Variants in RASSF3 observed in about 807,000 individuals in gnomAD.
The protein encoded by RASSF3 is ras association domain-containing protein 3.
Under a neutral mutation model 19.9 loss-of-function variants are expected in RASSF3, and 19 were observed. That is an observed-to-expected ratio of 0.96 (90% CI 0.67 to 1.40). RASSF3 has a LOEUF of 1.40. Among genes scored for constraint, RASSF3 ranks in the 40% most tolerant of loss-of-function variants. RASSF3 has a pLI of 0.00. For synonymous variants in RASSF3, 110 were observed against 104.2 expected (o/e 1.06, Z -0.34); for missense variants, 306 against 289.8 (o/e 1.06, Z -0.41).
At chr12:64,654,549 A>C (rs2136193225) in intron 1 of RASSF3, among the ~76,000 whole-genome samples, 1 of 148,038 alleles carries the variant, frequency 6.8e-6, no homozygotes, top group Admixed American at 7.0e-5. Flanking sequence ...TTCTGCCTGC[A>C]ATCTCAGCAT....
Position 64,694,835 on chromosome 12 carries a change from C to G in RASSF3, c.640C>G (p.Gln214Glu), listed in dbSNP as rs778281712. 6.2e-7 allele frequency: 1 copy of G among 1,614,128 alleles called. No homozygotes were observed. Among genetic ancestry groups the G allele is most frequent in the African/African-American group, 1.3e-5 (1 of 74,950 alleles). Reference protein sequence around the residue: ...ILDKEEDEQLQNLKRRYTAYR... With the variant: ...ILDKEEDEQLENLKRRYTAYR... ...GGACAAGGAAGAAGATGAACAGCTG[C>G]AGAACCTGAAGAGGCGCTACACAGC... The change falls in exon 5 of 5, where the codon CAG (glutamine) becomes GAG (glutamate). Residue 214 changes from glutamine to glutamate, a missense_variant. Physicochemically the swap from Gln to Glu is conservative, Grantham distance 29 (BLOSUM62 2). Coordinates refer to ENST00000542104, the MANE Select transcript of RASSF3 (RefSeq NM_178169.4).
At chr12:64,554,430 G>C (rs1341321111) in intron 2 of RASSF3, among the ~76,000 whole-genome samples, 1 of 152,184 alleles carries the variant, frequency 6.6e-6, no homozygotes, top group African/African-American at 2.4e-5. Context: ...TCAGCTTCCT[G>C]AGTAGCTGGG....
chr12:64,575,895 TTTTTTC>T (rs1565841894), intron 2 of RASSF3, among the ~76,000 whole-genome samples: 1 of 151,764 alleles, frequency 6.6e-6, no homozygotes, highest in Non-Finnish European at 1.5e-5. Flanking sequence ...TTTTTTTTTT[TTTTTTC>T]TTTTTGAGAC....
intron 1 of RASSF3, among the ~76,000 whole-genome samples, chr12:64,674,605 T>C (rs1415048259): frequency 6.6e-6 from 1 of 152,112 alleles, no homozygotes; most frequent in Non-Finnish European, 1.5e-5. Flanking sequence ...GTAAAAGCAC[T>C]GTTGTGTATT....
chr12:64,539,918 T>C (rs1216341930), intron 1 of RASSF3, among the ~76,000 whole-genome samples: 1 of 152,236 alleles, frequency 6.6e-6, no homozygotes, highest in African/African-American at 2.4e-5. Flanking sequence ...AATCTGTTAA[T>C]ATAGTCTATC....
chr12:64,615,679 CTTT>C (rs565695135), intron 1 of RASSF3, among the ~76,000 whole-genome samples: 16 of 142,476 alleles, frequency 1.1e-4, no homozygotes, highest in Non-Finnish European at 1.5e-4. Context: ...TAGCCTTTTT[CTTT>C]TTTTTTTTTT....
At chr12:64,630,174 A>G (rs963908042) in intron 1 of RASSF3, among the ~76,000 whole-genome samples, 56 of 152,128 alleles carry the variant, frequency 3.7e-4, no homozygotes, top group African/African-American at 1.3e-3. Context: ...TCATTCATCA[A>G]AAGGGAAAAT....
intron 1 of RASSF3, among the ~76,000 whole-genome samples, chr12:64,626,548 G>A (rs577097270): frequency 1.8e-4 from 27 of 150,900 alleles, no homozygotes; most frequent in Non-Finnish European, 3.2e-4. Flanking sequence ...AATGGTATTA[G>A]AATTGTTTTA....
At chr12:64,665,018 A>G (rs973918661) in intron 1 of RASSF3, among the ~76,000 whole-genome samples, 3 of 152,236 alleles carry the variant, frequency 2.0e-5, no homozygotes, top group African/African-American at 7.2e-5. Flanking sequence ...GAAAAATATT[A>G]GAATTGTACC....
chr12:64,636,230 G>A (rs1378777586), intron 1 of RASSF3, among the ~76,000 whole-genome samples: 1 of 151,390 alleles, frequency 6.6e-6, no homozygotes, highest in Admixed American at 6.6e-5. Context: ...AATCCTCCCC[G>A]CTCAGCCTCC....
rs564589883 is a variant in RASSF3 at position 64,585,031 on chromosome 12, G to A, written c.294+43326G>A. Among the ~76,000 whole-genome samples, 6 of 151,458 alleles carry A rather than the reference G, an allele frequency of 4.0e-5. No homozygotes were observed. The East Asian group carries it at 5.8e-4, about 15-fold the overall frequency. On this transcript the variant is annotated intron_variant, in intron 2 of 5. Coordinates refer to the RASSF3 transcript ENST00000637125. The stretch of plus-strand genomic sequence containing the variant: ...CTCCTGAGTAGCTGGGACTACAGGC[G>A]CATGCCACCATGCCCAGCTAATATT...
intron 2 of RASSF3, among the ~76,000 whole-genome samples, chr12:64,557,533 C>T (rs1039050807): frequency 3.9e-5 from 6 of 152,076 alleles, no homozygotes; most frequent in Non-Finnish European, 7.4e-5. Context: ...AAGTGTACCC[C>T]CTTTGGACCT....
intron 2 of RASSF3, among the ~76,000 whole-genome samples, chr12:64,575,485 C>T (rs1869580969): frequency 2.0e-5 from 3 of 152,166 alleles, no homozygotes; most frequent in Non-Finnish European, 4.4e-5. Context: ...GCCAGGAGTT[C>T]AAGGCTGTAA....
At chr12:64,661,677 C>CTTTTTTTTTT (rs71092993) in intron 1 of RASSF3, among the ~76,000 whole-genome samples, 4 of 78,998 alleles carry the variant, frequency 5.1e-5, no homozygotes, top group Non-Finnish European at 7.2e-5. Flanking sequence ...TTTTCTTTTT[C>CTTTTTTTTTT]TTTTTTTTTT....
intron 1 of RASSF3, among the ~76,000 whole-genome samples, chr12:64,676,883 C>T (rs1171389811): frequency 1.3e-5 from 2 of 152,048 alleles, no homozygotes; most frequent in Non-Finnish European, 2.9e-5. Context: ...ATCCTCCTGC[C>T]TCAGCCTCCC....
At chr12:64,568,646 C>T (rs1052235938) in intron 2 of RASSF3, among the ~76,000 whole-genome samples, 1 of 152,012 alleles carries the variant, frequency 6.6e-6, no homozygotes, top group Non-Finnish European at 1.5e-5. Flanking sequence ...TGAAAATTTC[C>T]AGAGGTATCT....
intron 1 of RASSF3, among the ~76,000 whole-genome samples, chr12:64,639,358 CTG>C (rs1465764302): frequency 1.4e-5 from 2 of 146,290 alleles, no homozygotes; most frequent in African/African-American, 2.7e-5. Flanking sequence ...AATTCCTAAA[CTG>C]TATTTTTTTT....
chr12:64,528,411 T>TA (rs1420628272), upstream of RASSF3, among the ~76,000 whole-genome samples: 4 of 152,300 alleles, frequency 2.6e-5, 1 homozygote, highest in African/African-American at 9.6e-5. Flanking sequence ...AACTGACGCT[T>TA]AGAGTGGTTA....
At chr12:64,632,257 G>A (rs1174859697) in intron 1 of RASSF3, among the ~76,000 whole-genome samples, 2 of 152,074 alleles carry the variant, frequency 1.3e-5, no homozygotes, top group Non-Finnish European at 2.9e-5. Context: ...AGGTTGCCAC[G>A]CCAAAGGTGT....
Sources: gnomAD v4.1 joint callset for allele counts (sites outside exome capture counted in the v4.1 genomes callset) on GRCh38, gnomAD v4.1.1 for gene constraint, MANE v1.5 for transcripts, NCBI Gene and HGNC (gene_info 2026-07-23, HGNC 2026-07-21) for gene names.